PCDHA6: variants seen among roughly 807,000 people sequenced by gnomAD.
The protein encoded by PCDHA6 is protocadherin alpha 6.
A neutral mutation model predicts 60.3 loss-of-function variants in PCDHA6; 55 were observed. That is an observed-to-expected ratio of 0.91 (90% CI 0.73 to 1.14). PCDHA6 has a LOEUF of 1.14. Among genes scored for constraint, PCDHA6 ranks in the 50% most tolerant of loss-of-function variants. The pLI, the probability that PCDHA6 is intolerant of heterozygous loss-of-function variation, is 0.00. For missense variants in PCDHA6, 1,327 were observed against 1,256.5 expected (o/e 1.06, Z -0.85); for synonymous variants, 652 against 557.9 (o/e 1.17, Z -2.38).
chr5:140,833,327 C>T (rs1482387019), intron 1 of PCDHA6, among the ~76,000 whole-genome samples: 2 of 152,096 alleles, frequency 1.3e-5, no homozygotes, highest in Non-Finnish European at 2.9e-5. Flanking sequence ...CCATTGGGAA[C>T]ATTGGAGTGA....
intron 1 of PCDHA6, chr5:140,967,572 A>G: frequency 6.2e-7 from 1 of 1,613,544 alleles, no homozygotes; most frequent in Non-Finnish European, 8.5e-7. Flanking sequence ...CTACGGGAGG[A>G]CTCACCCCCA....
At chr5:140,959,935 T>C (rs2095518080) in intron 1 of PCDHA6, among the ~76,000 whole-genome samples, 2 of 152,178 alleles carry the variant, frequency 1.3e-5, no homozygotes, top group African/African-American at 4.8e-5. Context: ...CCCCATTACT[T>C]AGGCAGAATA....
At chr5:140,979,922 A>T (rs1317860679) in intron 2 of PCDHA6, among the ~76,000 whole-genome samples, 1 of 152,276 alleles carries the variant, frequency 6.6e-6, no homozygotes, top group Non-Finnish European at 1.5e-5. Flanking sequence ...GAGAAAGCCT[A>T]CAAAGTATGT....
At chr5:140,869,752 G>A (rs1398153775) in intron 1 of PCDHA6, 17 of 1,613,136 alleles carry the variant, frequency 1.1e-5, no homozygotes, top group African/African-American at 1.3e-5. Context: ...AGCTACAGAC[G>A]GGGGAAAACC....
At chr5:140,851,299 T>C (rs2042017269) in intron 1 of PCDHA6, 2 of 1,019,562 alleles carry the variant, frequency 2.0e-6, no homozygotes, top group East Asian at 1.2e-4. Flanking sequence ...AGCAAAAATA[T>C]ATAGCAATTG....
chr5:140,894,819 G>T (rs974558361), intron 1 of PCDHA6, among the ~76,000 whole-genome samples: 6 of 151,474 alleles, frequency 4.0e-5, no homozygotes, highest in African/African-American at 1.2e-4. Context: ...TATCAGATTT[G>T]CCCATAATCC....
Position 140,835,739 on chromosome 5 carries a change from C to G in PCDHA6, c.2394+5254C>G, listed in dbSNP as rs185499663. On this transcript the variant is annotated intron_variant, in intron 1 of 3. Transcript: ENST00000529310. ...AGGTGGCCGACGTGAACGACAACGC[C>G]CCGGCGTTCGCGCAGCCCGAGTATA... The G allele has an allele frequency of 4.3e-6, 7 of 1,613,474 alleles. No individual in the cohort carries two copies. In the African/African-American group the frequency reaches 5.3e-5, roughly 12 times the overall value.
At position 140,902,128 on chromosome 5, in the gene PCDHA6, A is replaced by T. The variant is rs140093707; in HGVS notation, c.2394+71643A>T. On this transcript the variant is annotated intron_variant, in intron 1 of 3. Transcript: ENST00000529310. ...ATTTTTTTAAAACTGAGATTATATC[A>T]TCTGCAAACAAGGATAATTTGATTT... Among the ~76,000 whole-genome samples the T allele has an allele frequency of 8.6e-3, 1,299 of 150,978 alleles. 13 individuals are homozygous for T. Among genetic ancestry groups the T allele is most frequent in the African/African-American group, 0.03 (1,241 of 41,218 alleles).
chr5:140,943,632 G>A (rs1351799858), intron 1 of PCDHA6, among the ~76,000 whole-genome samples: 1 of 152,098 alleles, frequency 6.6e-6, no homozygotes, highest in Non-Finnish European at 1.5e-5. Flanking sequence ...AAGGAAGCTG[G>A]ATTATGGATA....
intron 1 of PCDHA6, among the ~76,000 whole-genome samples, chr5:140,894,750 TTGTG>T (rs2064648260): frequency 6.6e-6 from 1 of 152,080 alleles, no homozygotes; most frequent in Admixed American, 6.5e-5. Context: ...ATTTTTTTTC[TTGTG>T]TGTATTTATT....
chr5:140,861,636 CA>C, intron 1 of PCDHA6: 1 of 303,242 alleles, frequency 3.3e-6, no homozygotes. Flanking sequence ...CTCAGCAACA[CA>C]AAAGAATCTG....
At chr5:140,961,387 C>T (rs1249667395) in intron 1 of PCDHA6, among the ~76,000 whole-genome samples, 1 of 152,148 alleles carries the variant, frequency 6.6e-6, no homozygotes, top group Admixed American at 6.5e-5. Flanking sequence ...TTGAACTATT[C>T]CATTAGTAAA....
chr5:140,871,467 G>A (rs782618131), intron 1 of PCDHA6: 18 of 1,602,610 alleles, frequency 1.1e-5, no homozygotes, highest in Non-Finnish European at 1.3e-5. Context: ...GGGAAAGACA[G>A]GAGCCAGGGT....
intron 1 of PCDHA6, among the ~76,000 whole-genome samples, chr5:140,955,285 G>T (rs2095164466): frequency 6.6e-6 from 1 of 151,896 alleles, no homozygotes; most frequent in Non-Finnish European, 1.5e-5. Context: ...ATATTGATAT[G>T]GTTTGGCTGT....
intron 1 of PCDHA6, among the ~76,000 whole-genome samples, chr5:140,962,378 G>A (rs184607177): frequency 2.1e-3 from 316 of 152,286 alleles, no homozygotes; most frequent in African/African-American, 7.3e-3. Context: ...GATTTTATCT[G>A]TTAATATTAC....
At chr5:140,837,511 G>A (rs1335097431) in intron 1 of PCDHA6, among the ~76,000 whole-genome samples, 2 of 96,626 alleles carry the variant, frequency 2.1e-5, no homozygotes, top group Non-Finnish European at 4.1e-5. Context: ...TTCTGAAGCA[G>A]TTTACTTTTT....
chr5:140,857,481 C>G (rs1554150087), intron 1 of PCDHA6: 1 of 1,598,530 alleles, frequency 6.3e-7, no homozygotes, highest in Non-Finnish European at 8.6e-7. Flanking sequence ...ACGGTGTCTG[C>G]GTGGGACGCG....
intron 1 of PCDHA6, chr5:140,835,626 C>T: frequency 6.2e-6 from 10 of 1,613,880 alleles, no homozygotes; most frequent in Admixed American, 1.7e-5. Context: ...CGCTCTGGAC[C>T]GCGAGAGTGT....
At chr5:140,835,667 G>A (rs2150241297) in intron 1 of PCDHA6, 2 of 1,613,924 alleles carry the variant, frequency 1.2e-6, no homozygotes, top group Non-Finnish European at 8.5e-7. Context: ...TTACCGCGCG[G>A]GACGGGGGCT....
Sources: gnomAD v4.1 joint callset for allele counts (sites outside exome capture counted in the v4.1 genomes callset) on GRCh38, gnomAD v4.1.1 for gene constraint, MANE v1.5 for transcripts, NCBI Gene and HGNC (gene_info 2026-07-23, HGNC 2026-07-21) for gene names.